Variants in SHPRH observed in about 807,000 individuals in gnomAD.
The protein encoded by SHPRH is E3 ubiquitin-protein ligase SHPRH.
In SHPRH, 106 loss-of-function variants were observed where a neutral mutation model predicts 202.5. The ratio of observed to expected loss-of-function variants is 0.52; its 90% CI spans 0.45 to 0.62. SHPRH has a LOEUF of 0.62. Among genes scored for constraint, SHPRH ranks in the 20% least tolerant of loss-of-function variants. The probability of loss-of-function intolerance (pLI) is 0.00; values close to 1 mark genes in which losing one functional copy is unlikely to be tolerated. For missense variants in SHPRH, 1,710 were observed against 2,020.0 expected, an observed-to-expected ratio of 0.85 and a Z score of 2.94; for synonymous variants, 729 against 686.0, an observed-to-expected ratio of 1.06 and a Z score of -0.98.
chr6:145,861,324 A>G (rs777713391), downstream of SHPRH, among the ~76,000 whole-genome samples: 2 of 152,168 alleles, frequency 1.3e-5, no homozygotes, highest in Non-Finnish European at 2.9e-5. Context: ...ATACAAAATG[A>G]CCAATAGGTA....
intron 5 of SHPRH, 38 bp from the exon 6 acceptor site, chr6:145,947,681 G>A: frequency 1.9e-6 from 3 of 1,603,068 alleles, no homozygotes; most frequent in South Asian, 1.1e-5. Flanking sequence ...TCATAGGAAT[G>A]TGAATACAAA....
chr6:145,946,574 A>T (rs1787397648), intron 6 of SHPRH, among the ~76,000 whole-genome samples: 1 of 151,964 alleles, frequency 6.6e-6, no homozygotes, highest in Non-Finnish European at 1.5e-5. Context: ...TATGTGTGGA[A>T]CCTCTGAAAT....
chr6:145,895,962 A>T (rs1381956988), intron 25 of SHPRH, among the ~76,000 whole-genome samples: 1 of 152,058 alleles, frequency 6.6e-6, no homozygotes, highest in Non-Finnish European at 1.5e-5. Context: ...GAGCACTATA[A>T]TGACCTAGAT....
At chr6:145,877,137 T>TA (rs1780340483) in intron 2 of SHPRH, among the ~76,000 whole-genome samples, 1 of 152,208 alleles carries the variant, frequency 6.6e-6, no homozygotes, top group East Asian at 1.9e-4. Context: ...GCCAGACTGT[T>TA]CATATGAGTT....
At chr6:145,912,100 T>C (rs1274685302) in intron 24 of SHPRH, among the ~76,000 whole-genome samples, 2 of 147,246 alleles carry the variant, frequency 1.4e-5, no homozygotes, top group African/African-American at 2.7e-5. Context: ...AGCAACGAGA[T>C]ACCTGGCACC....
chr6:145,946,392 T>A, intron 6 of SHPRH, 51 bp from the exon 7 acceptor site: 1 of 1,382,930 alleles, frequency 7.2e-7, no homozygotes, highest in Non-Finnish European at 9.9e-7. Flanking sequence ...TTCAGTATTC[T>A]GAATTGCTTA....
At position 145,955,068 on chromosome 6, in the gene SHPRH, T is replaced by A. The variant is rs200942399; in HGVS notation, c.255A>T (p.Lys85Asn). The A allele has an allele frequency of 1.3e-4, 216 of 1,613,196 alleles. No homozygotes were observed. Among genetic ancestry groups the A allele is most frequent in the South Asian group, 6.8e-4 (62 of 91,088 alleles). Residue 85 changes from lysine to asparagine, a missense_variant, in exon 2 of 30, where the codon AAA (lysine) becomes AAT (asparagine). This residue lies in a region of SHPRH where 459 missense variants were observed against 426.5 expected (regional missense o/e 1.08). Coordinates refer to ENST00000275233, the MANE Select transcript of SHPRH (RefSeq NM_001042683.3). ...KVVSFSKPIE[K>N]EETVGIFSPL... ...GGGAAAAAATACCAACAGTCTCTTCTTTTTCAATTGGTTTTGAGAAGCTCA... is the reference window on the plus strand; with the variant it reads ...GGGAAAAAATACCAACAGTCTCTTCATTTTCAATTGGTTTTGAGAAGCTCA...
At chr6:145,923,585 CA>C in intron 18 of SHPRH, 57 bp downstream of exon 18, 1 of 1,574,872 alleles carries the variant, frequency 6.3e-7, no homozygotes, top group Non-Finnish European at 8.6e-7. Flanking sequence ...CTAGAAAATA[CA>C]AGGATTTCTT....
exon 3 of SHPRH, chr6:145,864,340 A>T: frequency 2.4e-6 from 1 of 414,718 alleles, no homozygotes. Flanking sequence ...GAAAAAGATG[A>T]TAAAAAACAA....
At chr6:145,871,912 T>C (rs1248935747) in intron 2 of SHPRH, among the ~76,000 whole-genome samples, 1 of 152,190 alleles carries the variant, frequency 6.6e-6, no homozygotes, top group Non-Finnish European at 1.5e-5. Flanking sequence ...AACTGTCTCA[T>C]CTTTGACAAA....
rs1013442886 is a variant in SHPRH, at chr6:145,964,277, G to A, written c.-579C>T. On this transcript the variant is annotated 5_prime_UTR_variant, in exon 1 of 30. Coordinates refer to ENST00000275233, the MANE Select transcript of SHPRH (RefSeq NM_001042683.3). ...GAACATGGGCTTGAGGTGGGCACGA[G>A]CGCTTTTTGCCGGAACGTGTAGGGG... 1 of 152,162 alleles carries A rather than the reference G, an allele frequency of 6.6e-6. No homozygotes were observed. The highest frequency in any genetic ancestry group is 1.5e-5 in the Non-Finnish European group (1 of 68,088). The allele number at this position is 152,162 out of a possible 1,614,324, so 9.4% of individuals were successfully genotyped here.
intron 25 of SHPRH, among the ~76,000 whole-genome samples, chr6:145,897,345 C>T (rs1170932126): frequency 2.0e-5 from 3 of 151,708 alleles, no homozygotes. Flanking sequence ...CACAAAGAAA[C>T]AGAAAATCTG....
rs1468347155 is a variant in SHPRH, at chr6:145,955,317, G to A, written c.6C>T (p.Ser2=). The change falls in exon 2 of 30, where the codon AGC becomes AGT. Residue 2 remains serine, a synonymous_variant. Coordinates refer to ENST00000275233, the MANE Select transcript of SHPRH (RefSeq NM_001042683.3). M[S]SRRKRAPPVR... ...CTGGAGGAGCACGTTTCCGTCGGCT[G>A]CTCATTTTCAAGTTTTCTTGGCTGG... 6.3e-7 allele frequency: 1 copy of A among 1,591,272 alleles called. No individual in the cohort carries two copies. Among genetic ancestry groups the A allele is most frequent in the East Asian group, 2.2e-5 (1 of 44,604 alleles).
At chr6:145,963,240 G>T (rs1240596013) in intron 1 of SHPRH, among the ~76,000 whole-genome samples, 1 of 152,144 alleles carries the variant, frequency 6.6e-6, no homozygotes, top group Admixed American at 6.5e-5. Flanking sequence ...TGACAGTAGA[G>T]ATATCATGGA....
At chr6:145,952,274 T>C in intron 3 of SHPRH, 75 bp downstream of exon 3, 2 of 1,313,494 alleles carry the variant, frequency 1.5e-6, no homozygotes, top group Non-Finnish European at 2.1e-6. Context: ...TTTCTGATTG[T>C]TATGTCCAGG....
At chr6:145,867,669 G>GAGAGAGAA (rs1554220347) in intron 2 of SHPRH, among the ~76,000 whole-genome samples, 12 of 138,802 alleles carry the variant, frequency 8.6e-5, no homozygotes, top group Non-Finnish European at 1.6e-4. Context: ...GAGAGAGAGA[G>GAGAGAGAA]AGAGGTGAAG....
At chr6:145,898,622 T>C (rs1402304227) in intron 25 of SHPRH, among the ~76,000 whole-genome samples, 1 of 152,038 alleles carries the variant, frequency 6.6e-6, no homozygotes, top group Non-Finnish European at 1.5e-5. Context: ...GAGTAAATTC[T>C]CTCTTGTGCA....
At chr6:145,890,611 T>A (rs1012125664) in intron 28 of SHPRH, among the ~76,000 whole-genome samples, 4 of 152,122 alleles carry the variant, frequency 2.6e-5, no homozygotes, top group Non-Finnish European at 5.9e-5. Context: ...TGCCCTGGAG[T>A]TCAGTCCATG....
At chr6:145,867,631 T>TATATATATATAGAGAGAGAG (rs1554220329) in intron 2 of SHPRH, among the ~76,000 whole-genome samples, 7 of 22,314 alleles carry the variant, frequency 3.1e-4, no homozygotes, top group African/African-American at 4.3e-4. Context: ...TATATATATA[T>TATATATATATAGAGAGAGAG]AGAGAGAGAG....
Sources: allele counts gnomAD v4.1 joint callset (sites outside exome capture counted in the v4.1 genomes callset), GRCh38; gene constraint gnomAD v4.1.1; regional missense constraint gnomAD v4.1.1; transcripts MANE v1.5; gene names NCBI Gene and HGNC (gene_info 2026-07-23, HGNC 2026-07-21).